GNG7: variants seen among roughly 807,000 people sequenced by gnomAD.
The protein encoded by GNG7 is G protein subunit gamma 7.
GNG7 carries 1 observed loss-of-function variant against 4.0 expected under a neutral mutation model. The observed-to-expected ratio is 0.25, with a 90% CI of 0.09 to 1.18. The LOEUF (loss-of-function observed/expected upper bound fraction) is 1.18, where lower values mean the gene tolerates loss of function less well. Ranked by LOEUF, GNG7 falls within the 50% of genes most tolerant of loss-of-function variation. The pLI, the probability that GNG7 is intolerant of heterozygous loss-of-function variation, is 0.50. For synonymous variants in GNG7, 34 were observed against 36.9 expected, an observed-to-expected ratio of 0.92 and a Z score of 0.29; for missense variants, 86 against 91.9, an observed-to-expected ratio of 0.94 and a Z score of 0.26.
chr19:2,624,802 C>T lies in GNG7; in HGVS notation c.-78+21422G>A, dbSNP rs962674838. On this transcript the variant is annotated intron_variant, in intron 2 of 4. Coordinates refer to ENST00000382159, the MANE Select transcript of GNG7 (RefSeq NM_052847.3). ...TAATTACCCCCAGGCAGAGGGCAGG[C>T]GGGCACAGGGGCCCGAGCCCCTCCA... Among the ~76,000 whole-genome samples the T allele has an allele frequency of 5.3e-5, 8 of 152,304 alleles. No homozygotes were observed. In the East Asian group the frequency reaches 9.7e-4, roughly 18 times the overall value.
chr19:2,626,573 C>T lies in GNG7; in HGVS notation c.-78+19651G>A, dbSNP rs1230323788. 6.6e-6 allele frequency among the ~76,000 whole-genome samples: 1 copy of T among 152,182 alleles called. No individual in the cohort carries two copies. Among genetic ancestry groups the T allele is most frequent in the Non-Finnish European group, 1.5e-5 (1 of 68,040 alleles). On this transcript the variant is annotated intron_variant, in intron 2 of 4. Transcript: ENST00000382159. The surrounding 1 kb of genome is among the most constrained non-coding windows in gnomAD (Gnocchi z 5.0). ...TGTCACCTTCAGGGCACTAGCAACACTCAACTCATGTCACTTCCTCCAGGA... is the reference window on the plus strand; with the variant it reads ...TGTCACCTTCAGGGCACTAGCAACATTCAACTCATGTCACTTCCTCCAGGA...
chr19:2,573,902 C>T (rs16991216), intron 2 of GNG7, among the ~76,000 whole-genome samples: 3 of 152,082 alleles, frequency 2.0e-5, no homozygotes, highest in East Asian at 3.8e-4. Flanking sequence ...CATATGCGAA[C>T]GGGTGAATTA....
At chr19:2,521,033 A>G (rs1202369315) in intron 3 of GNG7, among the ~76,000 whole-genome samples, 2 of 151,718 alleles carry the variant, frequency 1.3e-5, no homozygotes, top group African/African-American at 4.8e-5. Flanking sequence ...AGGCAGGTGG[A>G]TCATGAGGTC....
intron 2 of GNG7, among the ~76,000 whole-genome samples, chr19:2,612,809 G>A (rs560769204): frequency 6.7e-6 from 1 of 148,716 alleles, no homozygotes; most frequent in South Asian, 2.1e-4. Flanking sequence ...TCTCCTGCCT[G>A]AGCCTCCTGG....
intron 1 of GNG7, among the ~76,000 whole-genome samples, chr19:2,684,796 C>G (rs1004458551): frequency 4.0e-5 from 6 of 151,834 alleles, no homozygotes; most frequent in Non-Finnish European, 8.8e-5. Context: ...CACGACCAGC[C>G]TGGCCAACAT....
chr19:2,685,014 C>G (rs1245101722), intron 1 of GNG7, among the ~76,000 whole-genome samples: 1 of 152,060 alleles, frequency 6.6e-6, no homozygotes, highest in Non-Finnish European at 1.5e-5. Context: ...ATCCCAGCTA[C>G]TCAGGAGGCT....
chr19:2,682,176 T>C (rs1386356941), intron 1 of GNG7, among the ~76,000 whole-genome samples: 1 of 151,646 alleles, frequency 6.6e-6, no homozygotes, highest in Non-Finnish European at 1.5e-5. Flanking sequence ...CCCAAAGTGC[T>C]GTGATTACAG....
intron 2 of GNG7, among the ~76,000 whole-genome samples, chr19:2,623,067 G>T (rs1981926278): frequency 6.6e-6 from 1 of 152,182 alleles, no homozygotes; most frequent in Non-Finnish European, 1.5e-5. Context: ...TGTGTCCCAG[G>T]AGGCAAAAAG....
At chr19:2,558,163 C>T (rs953139203) in intron 2 of GNG7, among the ~76,000 whole-genome samples, 1 of 151,982 alleles carries the variant, frequency 6.6e-6, no homozygotes, top group African/African-American at 2.4e-5. Flanking sequence ...TTTTAGGTGG[C>T]TGGAAATACT....
intron 1 of GNG7, among the ~76,000 whole-genome samples, chr19:2,686,815 G>A (rs531299920): frequency 2.7e-5 from 4 of 149,146 alleles, no homozygotes; most frequent in African/African-American, 9.9e-5. Flanking sequence ...ACAGTGGCAC[G>A]ATCTCGGCTC....
At chr19:2,684,845 C>T (rs898326441) in intron 1 of GNG7, among the ~76,000 whole-genome samples, 10 of 152,098 alleles carry the variant, frequency 6.6e-5, no homozygotes, top group African/African-American at 1.4e-4. Context: ...AAAAATTGGA[C>T]GGGCGCAGTG....
At chr19:2,555,450 T>C (rs1265062809) in intron 2 of GNG7, among the ~76,000 whole-genome samples, 1 of 152,190 alleles carries the variant, frequency 6.6e-6, no homozygotes, top group Non-Finnish European at 1.5e-5. Flanking sequence ...AAACTTGTGT[T>C]ATTCCATTTC....
Position 2,614,052 on chromosome 19 carries a change from C to G in GNG7, c.-78+32172G>C, listed in dbSNP as rs959041955. ...GGGAACTCGGGCCCCGCGCCTACCC[C>G]CGGGGTAAAGGGGGCCAGCCTCGCA... On this transcript the variant is annotated intron_variant, in intron 2 of 4. Transcript: ENST00000382159. This position sits in a 1 kb window ranked among gnomAD's most constrained non-coding sequence, Gnocchi z 6.0. Among the ~76,000 whole-genome samples, 4 of 152,330 alleles carry G rather than the reference C, an allele frequency of 2.6e-5. No individual in the cohort carries two copies. The highest frequency in any genetic ancestry group is 4.1e-4 in the South Asian group (2 of 4,830).
At chr19:2,559,044 C>A (rs920194882) in intron 2 of GNG7, among the ~76,000 whole-genome samples, 1 of 151,940 alleles carries the variant, frequency 6.6e-6, no homozygotes, top group Non-Finnish European at 1.5e-5. Flanking sequence ...TGTGATCCAC[C>A]CACCTTGGCC....
At chr19:2,668,231 A>AG (rs1491076657) in intron 1 of GNG7, among the ~76,000 whole-genome samples, 75 of 148,392 alleles carry the variant, frequency 5.1e-4, no homozygotes, top group Non-Finnish European at 9.0e-4. Context: ...AAAAAAAAAA[A>AG]AGAGACAGAG....
chr19:2,609,666 A>G lies in GNG7; in HGVS notation c.-78+36558T>C, dbSNP rs550437794. ...GACTTCCAGCCTCCAGAACCAAGAG[A>G]GAGAAGAAATCTCTGTTGCTAAAGC... On this transcript the variant is annotated intron_variant, in intron 2 of 4. Transcript: ENST00000382159. The surrounding 1 kb of genome is among the most constrained non-coding windows in gnomAD (Gnocchi z 4.4). Among the ~76,000 whole-genome samples the G allele has an allele frequency of 6.6e-6, 1 of 152,220 alleles. No homozygotes were observed. The highest frequency in any genetic ancestry group is 2.1e-4 in the South Asian group (1 of 4,820).
intron 2 of GNG7, among the ~76,000 whole-genome samples, chr19:2,624,474 TG>T (rs1462649295): frequency 7.3e-6 from 1 of 137,504 alleles, no homozygotes. Context: ...GAGCTTGCAG[TG>T]AGCCGAGATT....
chr19:2,540,364 C>A (rs191006424), intron 3 of GNG7, among the ~76,000 whole-genome samples: 203 of 148,436 alleles, frequency 1.4e-3, no homozygotes, highest in African/African-American at 4.6e-3. Context: ...GTTGTCCAGG[C>A]TGGTTTTGAT....
intron 1 of GNG7, among the ~76,000 whole-genome samples, chr19:2,655,561 G>T (rs939946424): frequency 6.6e-6 from 1 of 151,890 alleles, no homozygotes; most frequent in African/African-American, 2.4e-5. Flanking sequence ...AAATTAGGCC[G>T]GGTGCGGTGG....
Sources: allele counts gnomAD v4.1 joint callset (sites outside exome capture counted in the v4.1 genomes callset), GRCh38; gene constraint gnomAD v4.1.1; non-coding constraint Gnocchi (gnomAD v3.1); transcripts MANE v1.5; gene names NCBI Gene and HGNC (gene_info 2026-07-23, HGNC 2026-07-21).